Variants in KCNH1 observed in about 807,000 individuals in gnomAD.
KCNH1 encodes the protein potassium voltage-gated channel subfamily H member 1, also known as voltage-gated delayed rectifier potassium channel KCNH1.
KCNH1 carries 27 observed loss-of-function variants against 69.2 expected under a neutral mutation model. That is an observed-to-expected ratio of 0.39 (90% confidence interval 0.29 to 0.54). The LOEUF (loss-of-function observed/expected upper bound fraction) is 0.54. Among genes scored for constraint, KCNH1 ranks in the 20% least tolerant of loss-of-function variants. The pLI, the probability that KCNH1 is intolerant of heterozygous loss-of-function variation, is 0.68. For synonymous variants in KCNH1, 456 were observed against 487.7 expected (o/e 0.93, Z 0.86); for missense variants, 798 against 1,261.6 (o/e 0.63, Z 5.57).
intron 6 of KCNH1, among the ~76,000 whole-genome samples, chr1:211,014,439 G>T (rs1260317907): frequency 1.3e-5 from 2 of 152,184 alleles, no homozygotes; most frequent in African/African-American, 4.8e-5. Context: ...ACCGGAGAAT[G>T]ACGCAAATGT....
At chr1:210,988,699 T>C (rs189549520) in intron 6 of KCNH1, among the ~76,000 whole-genome samples, 4 of 152,312 alleles carry the variant, frequency 2.6e-5, no homozygotes, top group Admixed American at 2.0e-4. Flanking sequence ...AGAAGGCCTA[T>C]AAACACTCTA....
intron 9 of KCNH1, among the ~76,000 whole-genome samples, chr1:210,790,423 C>T (rs942570014): frequency 6.6e-6 from 1 of 152,318 alleles, no homozygotes; most frequent in East Asian, 1.9e-4. Flanking sequence ...CTCTTGCTTT[C>T]CTGTCTTTGC....
intron 6 of KCNH1, among the ~76,000 whole-genome samples, chr1:210,975,092 A>G (rs1227871578): frequency 6.6e-6 from 1 of 152,158 alleles, no homozygotes; most frequent in Non-Finnish European, 1.5e-5. Flanking sequence ...GTTAAAACTA[A>G]TGTCATTTCC....
intron 10 of KCNH1, among the ~76,000 whole-genome samples, chr1:210,772,384 A>G (rs992038446): frequency 2.0e-5 from 3 of 152,234 alleles, no homozygotes; most frequent in Admixed American, 6.5e-5. Flanking sequence ...TACCAGGAAA[A>G]AAAAATAGCT....
At chr1:210,846,273 T>A (rs1285434519) in intron 7 of KCNH1, among the ~76,000 whole-genome samples, 1 of 152,064 alleles carries the variant, frequency 6.6e-6, no homozygotes, top group East Asian at 1.9e-4. Context: ...CATCGCCAAG[T>A]CAATCCTAAG....
chr1:210,997,762 G>A (rs1003408915), intron 6 of KCNH1, among the ~76,000 whole-genome samples: 1 of 152,192 alleles, frequency 6.6e-6, no homozygotes, highest in Non-Finnish European at 1.5e-5. Context: ...CAGCCAGAGA[G>A]AATGATCGGG....
chr1:210,766,520 G>C (rs571313264), intron 10 of KCNH1, among the ~76,000 whole-genome samples: 8 of 151,962 alleles, frequency 5.3e-5, no homozygotes, highest in African/African-American at 1.7e-4. Context: ...ATTGAGGGGG[G>C]GTGGGGAGTT....
chr1:210,877,657 T>C (rs1686406819), intron 7 of KCNH1, among the ~76,000 whole-genome samples: 1 of 152,200 alleles, frequency 6.6e-6, no homozygotes, highest in Non-Finnish European at 1.5e-5. Context: ...ATGTCCTATA[T>C]ACATATCATG....
intron 10 of KCNH1, among the ~76,000 whole-genome samples, chr1:210,736,521 C>A (rs1376584336): frequency 2.0e-5 from 3 of 151,772 alleles, no homozygotes; most frequent in Non-Finnish European, 4.4e-5. Flanking sequence ...CACTCCTGGG[C>A]AACAAGAGTG....
At chr1:210,963,494 C>T (rs1047365992) in intron 6 of KCNH1, among the ~76,000 whole-genome samples, 2 of 151,986 alleles carry the variant, frequency 1.3e-5, no homozygotes, top group Non-Finnish European at 2.9e-5. Flanking sequence ...CTCCTCTGAG[C>T]TAAAGGAGCA....
At chr1:210,997,496 G>A (rs1359151200) in intron 6 of KCNH1, among the ~76,000 whole-genome samples, 1 of 152,208 alleles carries the variant, frequency 6.6e-6, no homozygotes, top group Non-Finnish European at 1.5e-5. Flanking sequence ...AAGCTTCCAA[G>A]AAATATGGGA....
intron 10 of KCNH1, among the ~76,000 whole-genome samples, chr1:210,706,710 A>G (rs748112180): frequency 6.6e-6 from 1 of 152,272 alleles, no homozygotes; most frequent in South Asian, 2.1e-4. Context: ...TACTAAGTAA[A>G]TAGAAGGCAA....
chr1:210,849,969 A>G (rs1558496305), intron 7 of KCNH1, among the ~76,000 whole-genome samples: 1 of 152,038 alleles, frequency 6.6e-6, no homozygotes, highest in Non-Finnish European at 1.5e-5. Context: ...GATATAATTG[A>G]CATGTTAAAT....
chr1:210,771,445 A>G (rs1368569454), intron 10 of KCNH1, among the ~76,000 whole-genome samples: 1 of 152,212 alleles, frequency 6.6e-6, no homozygotes, highest in Non-Finnish European at 1.5e-5. Flanking sequence ...CACTTCCCAG[A>G]GCGACTGATC....
At chr1:211,087,158 C>G (rs1690967835) in intron 4 of KCNH1, among the ~76,000 whole-genome samples, 3 of 152,304 alleles carry the variant, frequency 2.0e-5, no homozygotes, top group African/African-American at 7.2e-5. Flanking sequence ...ACAGTTACAA[C>G]AGTTTGCCAG....
intron 7 of KCNH1, among the ~76,000 whole-genome samples, chr1:210,827,514 GC>G (rs749858300): frequency 1.3e-5 from 2 of 152,034 alleles, no homozygotes; most frequent in Non-Finnish European, 2.9e-5. Context: ...TGCTAAATGA[GC>G]TTTTACTATA....
rs190755203 is a variant in KCNH1 at position 210,790,709 on chromosome 1, T to C, written c.1915+6799A>G. Among the ~76,000 whole-genome samples, 203 of 152,342 alleles carry C rather than the reference T, an allele frequency of 1.3e-3. 1 individual carries two copies. The highest frequency in any genetic ancestry group is 3.1e-3 in the South Asian group (15 of 4,826). On this transcript the variant is annotated intron_variant, in intron 9 of 10. Transcript: ENST00000271751. ...GCCCTACTCCTGTCTCCATTTTTAC[T>C]GCCTGCATCTTAACACTCCTTACTT...
rs563202070 is a variant in KCNH1 at position 210,882,267 on chromosome 1, C to T, written c.1462+37373G>A. Among the ~76,000 whole-genome samples, 40 of 152,144 alleles carry T rather than the reference C, an allele frequency of 2.6e-4. 1 individual carries two copies. The South Asian group carries it at 5.4e-3, about 21-fold the overall frequency. The stretch of plus-strand genomic sequence containing the variant: ...CCAAAGTAAGTGGTTTTCACAGACA[C>T]GTGTAGTCATGGGTACAGACACCAA... On this transcript the variant is annotated intron_variant, in intron 7 of 10. Transcript: ENST00000271751.
rs981044468 is a variant in KCNH1, at chr1:210,682,155, C to A, written c.*1126G>T. On this transcript the variant is annotated 3_prime_UTR_variant, in exon 11 of 11. Coordinates refer to ENST00000271751, the MANE Select transcript of KCNH1 (RefSeq NM_172362.3). ...TGATCCTGCAGTCTTTTTCCATTTT[C>A]TCTTGAAATCCTACTGACTTTAATA... 3.3e-5 allele frequency: 5 copies of A among 152,166 alleles called. No homozygotes were observed. The highest frequency in any genetic ancestry group is 9.7e-5 in the African/African-American group (4 of 41,438). 9.4% of individuals were successfully genotyped at this position (152,166 alleles called of 1,614,324 possible). A position where few individuals can be genotyped will look rare whatever the true frequency, so the allele number is the denominator to read the frequency against.
Sources: allele counts gnomAD v4.1 joint callset (sites outside exome capture counted in the v4.1 genomes callset), GRCh38; gene constraint gnomAD v4.1.1; transcripts MANE v1.5; gene names NCBI Gene and HGNC (gene_info 2026-07-23, HGNC 2026-07-21).